DPH5: variants seen among roughly 807,000 people sequenced by gnomAD.
DPH5 encodes the protein diphthine methyl ester synthase.
Under a neutral mutation model 31.6 loss-of-function variants are expected in DPH5, and 31 were observed. That is an observed-to-expected ratio of 0.98 (90% CI 0.74 to 1.32). The LOEUF (loss-of-function observed/expected upper bound fraction) is 1.32. Ranked by LOEUF, DPH5 falls within the 40% of genes most tolerant of loss-of-function variation. DPH5 has a pLI of 0.00. For synonymous variants in DPH5, 120 were observed against 115.0 expected, an observed-to-expected ratio of 1.04 and a Z score of -0.28; for missense variants, 309 against 335.7, an observed-to-expected ratio of 0.92 and a Z score of 0.62.
intron 4 of DPH5, among the ~76,000 whole-genome samples, chr1:101,003,635 T>G (rs1163765654): frequency 2.6e-5 from 4 of 152,190 alleles, no homozygotes; most frequent in Non-Finnish European, 4.4e-5. Context: ...GAGTGCCTAG[T>G]AGTGCCTTGC....
At chr1:100,999,097 T>C (rs894731706) in intron 5 of DPH5, among the ~76,000 whole-genome samples, 3 of 152,246 alleles carry the variant, frequency 2.0e-5, no homozygotes, top group African/African-American at 7.2e-5. Flanking sequence ...CTGCTGTAGA[T>C]ATTAATTTCT....
At chr1:100,990,710 C>T (rs538144452) in intron 7 of DPH5, 79 bp from the exon 8 acceptor site, 1 of 1,346,100 alleles carries the variant, frequency 7.4e-7, no homozygotes, top group East Asian at 2.4e-5. Context: ...ATTAGTACCA[C>T]AAGTACATTT....
At chr1:101,004,957 CATCTT>C (rs1036110901) in intron 4 of DPH5, among the ~76,000 whole-genome samples, 1 of 152,186 alleles carries the variant, frequency 6.6e-6, no homozygotes, top group Non-Finnish European at 1.5e-5. Context: ...TAATTCCTGA[CATCTT>C]ATTTAGTGCC....
intron 4 of DPH5, among the ~76,000 whole-genome samples, chr1:101,003,044 G>A (rs914237484): frequency 6.6e-6 from 1 of 152,074 alleles, no homozygotes; most frequent in African/African-American, 2.4e-5. Context: ...CTACCAACAA[G>A]GTTTACTCCC....
At chr1:101,015,613 A>T (rs922131395) in intron 3 of DPH5, among the ~76,000 whole-genome samples, 1 of 152,174 alleles carries the variant, frequency 6.6e-6, no homozygotes, top group African/African-American at 2.4e-5. Context: ...CCCTACCAAG[A>T]GTTAGCCAGT....
At chr1:101,013,870 A>G in intron 3 of DPH5, 52 bp from the exon 4 acceptor site, 1 of 1,392,656 alleles carries the variant, frequency 7.2e-7, no homozygotes, top group Non-Finnish European at 9.9e-7. Flanking sequence ...CTTTTAAGAC[A>G]GTAAAGCTAT....
chr1:101,022,438 T>C (rs1411152838), intron 2 of DPH5, among the ~76,000 whole-genome samples: 1 of 152,228 alleles, frequency 6.6e-6, no homozygotes, highest in Non-Finnish European at 1.5e-5. Flanking sequence ...AGCTCAACTC[T>C]AGAGAACAAA....
intron 2 of DPH5, among the ~76,000 whole-genome samples, chr1:101,022,497 C>T (rs1014461341): frequency 6.6e-5 from 10 of 152,222 alleles, no homozygotes; most frequent in East Asian, 1.9e-4. Context: ...ATAGTGGTTA[C>T]GGGCTATTAT....
chr1:101,017,508 T>C (rs1660162645), intron 3 of DPH5, among the ~76,000 whole-genome samples: 1 of 152,220 alleles, frequency 6.6e-6, no homozygotes, highest in Admixed American at 6.5e-5. Context: ...AATATAAACA[T>C]GGACACAGTG....
At chr1:101,011,836 CTTTA>C (rs1324592614) in intron 4 of DPH5, among the ~76,000 whole-genome samples, 7 of 146,786 alleles carry the variant, frequency 4.8e-5, no homozygotes, top group South Asian at 2.2e-4. Context: ...GTTTACATAT[CTTTA>C]TTTATCAAAT....
intron 4 of DPH5, 50 bp from the exon 5 acceptor site, chr1:101,001,637 T>C (rs763685069): frequency 5.2e-6 from 7 of 1,350,332 alleles, no homozygotes; most frequent in Non-Finnish European, 7.2e-6. Context: ...TACTATTTCA[T>C]AGATAAGGAG....
At chr1:101,018,735 C>G (rs756588757) in intron 3 of DPH5, among the ~76,000 whole-genome samples, 1 of 152,102 alleles carries the variant, frequency 6.6e-6, no homozygotes, top group African/African-American at 2.4e-5. Flanking sequence ...ATGTCCACAC[C>G]TTTTGATATT....
intron 2 of DPH5, among the ~76,000 whole-genome samples, chr1:101,023,668 C>T (rs1474476516): frequency 6.6e-6 from 1 of 152,228 alleles, no homozygotes; most frequent in Non-Finnish European, 1.5e-5. Context: ...ACATAACCCT[C>T]CAACTGGTAA....
intron 4 of DPH5, among the ~76,000 whole-genome samples, chr1:101,010,951 C>A (rs1659586230): frequency 2.0e-5 from 3 of 152,294 alleles, no homozygotes; most frequent in Non-Finnish European, 4.4e-5. Context: ...AATACAAATT[C>A]TCAGACCCCA....
intron 4 of DPH5, among the ~76,000 whole-genome samples, chr1:101,011,877 T>C (rs530278608): frequency 6.6e-6 from 1 of 151,948 alleles, no homozygotes; most frequent in South Asian, 2.1e-4. Context: ...TTTTTCTTTC[T>C]TCTAGCAATT....
intron 4 of DPH5, among the ~76,000 whole-genome samples, chr1:101,004,325 A>G (rs1422046820): frequency 6.6e-6 from 1 of 152,230 alleles, no homozygotes; most frequent in East Asian, 1.9e-4. Flanking sequence ...TACTAGAGCA[A>G]AGTCACACAG....
At chr1:101,004,443 CTAAATT>C (rs1186336954) in intron 4 of DPH5, among the ~76,000 whole-genome samples, 4 of 152,038 alleles carry the variant, frequency 2.6e-5, no homozygotes, top group Non-Finnish European at 4.4e-5. Flanking sequence ...TGCTGCAAAT[CTAAATT>C]TAAAGACTAA....
intron 3 of DPH5, among the ~76,000 whole-genome samples, chr1:101,021,414 C>T (rs1660429310): frequency 6.6e-6 from 1 of 152,112 alleles, no homozygotes; most frequent in Non-Finnish European, 1.5e-5. Context: ...TTAGAGTTGA[C>T]ACTTGATAAT....
Position 100,992,589 on chromosome 1 carries a change from T to C in DPH5, c.634+48A>G, listed in dbSNP as rs1657859759. 3.0e-6 allele frequency: 4 copies of C among 1,346,476 alleles called. No homozygotes were observed. In the South Asian group the frequency reaches 3.5e-5, roughly 12 times the overall value. The allele number at this position is 1,346,476 out of a possible 1,614,324, so 83.4% of individuals were successfully genotyped here. A position where few individuals can be genotyped will look rare whatever the true frequency, so the allele number is the denominator to read the frequency against. On this transcript the variant is annotated intron_variant, in intron 7 of 7. Transcript: ENST00000370109. ...ATATTAAGTCATATACACATCTAAATGTAGTAACAGAGGAATAATATGAGA... is the reference window on the plus strand; with the variant it reads ...ATATTAAGTCATATACACATCTAAACGTAGTAACAGAGGAATAATATGAGA...
Sources: allele counts gnomAD v4.1 joint callset (sites outside exome capture counted in the v4.1 genomes callset), GRCh38; gene constraint gnomAD v4.1.1; transcripts MANE v1.5; gene names NCBI Gene and HGNC (gene_info 2026-07-23, HGNC 2026-07-21).